SLC26A1: variants seen among roughly 807,000 people sequenced by gnomAD.
SLC26A1 encodes sulfate anion transporter 1.
SLC26A1 carries 18 observed loss-of-function variants against 14.5 expected under a neutral mutation model. The observed-to-expected ratio is 1.24, with a 90% confidence interval of 0.86 to 1.84. The LOEUF is 1.84. Among genes scored for constraint, SLC26A1 ranks in the 40% most tolerant of loss-of-function variants. The pLI is 0.00. For synonymous variants in SLC26A1, 505 were observed against 492.0 expected (o/e 1.03, Z -0.35); for missense variants, 1,049 against 1,020.0 (o/e 1.03, Z -0.39).
intron 2 of SLC26A1, among the ~76,000 whole-genome samples, chr4:981,755 C>T (rs939088727): frequency 6.6e-5 from 10 of 152,234 alleles, no homozygotes; most frequent in African/African-American, 1.9e-4. Flanking sequence ...TCCTGACAGC[C>T]GTAAGCTGCC....
chr4:990,596 T>C (rs997967150), intron 2 of SLC26A1: 124 of 579,092 alleles, frequency 2.1e-4, no homozygotes, highest in Non-Finnish European at 3.4e-4. Context: ...TGCACACAGC[T>C]GGCCATAGAC....
intron 2 of SLC26A1, 129 bp downstream of exon 2, chr4:990,999 G>A (rs1714253319): frequency 5.1e-6 from 5 of 975,242 alleles, no homozygotes; most frequent in Non-Finnish European, 7.3e-6. Flanking sequence ...CTCTGCCCAA[G>A]CCTTGCTGTC....
chr4:982,557 C>T (rs1486263111), intron 2 of SLC26A1, among the ~76,000 whole-genome samples: 2 of 152,242 alleles, frequency 1.3e-5, no homozygotes, highest in Admixed American at 6.5e-5. Flanking sequence ...AAAGGCGGAC[C>T]TGGAAGCAAT....
chr4:980,138 C>G (rs1399413281), intron 2 of SLC26A1, among the ~76,000 whole-genome samples: 3 of 152,162 alleles, frequency 2.0e-5, no homozygotes, highest in East Asian at 3.9e-4. Flanking sequence ...TTCCCTGGGC[C>G]CTGGGCTCGG....
At position 988,836 on chromosome 4, in the gene SLC26A1, C is replaced by T. The variant is rs1447073516; in HGVS notation, c.2103G>A (p.Leu701=). ...HRELEATDAH[L] is the part of the protein sequence containing the mutation. ...CTGCTGGGCAGGCCTGGCCCTGCTA[C>T]AGATGGGCATCGGTGGCCTCCAGCT... Residue 701 remains leucine (L), a synonymous_variant, in exon 3 of 3, where the codon CTG becomes CTA. Coordinates refer to ENST00000398516, the MANE Select transcript of SLC26A1 (RefSeq NM_022042.4). The T allele has an allele frequency of 1.9e-6, 3 of 1,591,410 alleles. No homozygotes were observed. Among genetic ancestry groups the T allele is most frequent in the South Asian group, 2.3e-5 (2 of 87,836 alleles).
At chr4:992,356 G>A in intron 1 of SLC26A1, 1 of 370,558 alleles carries the variant, frequency 2.7e-6, no homozygotes, top group South Asian at 2.0e-5. Context: ...TGTGGGTCCT[G>A]GGGCTGGCGG....
In SLC26A1 at chr4:989,208, GC is replaced by G. The variant is rs756900523; in HGVS notation, c.1730del (p.Gly577AlafsTer46). The part of the protein sequence containing the change: ...GCMAARRKEG[G>X]SETGVGEGGP... ...CTCCCTCACCGACCCCCGTCTCTGA[GC>G]CCCCCTCCTTCCTCCTGGCAGCCAT... On this transcript the variant is annotated frameshift_variant, in exon 3 of 3. Transcript: ENST00000398516. LOFTEE classifies it low-confidence loss of function (END_TRUNC). The G allele has an allele frequency of 1.2e-6, 2 of 1,609,464 alleles. No homozygotes were observed. The highest frequency in any genetic ancestry group is 2.2e-5 in the East Asian group (1 of 44,774).
chr4:986,248 A>G (rs1364698643), downstream of SLC26A1, among the ~76,000 whole-genome samples: 1 of 152,066 alleles, frequency 6.6e-6, no homozygotes, highest in Non-Finnish European at 1.5e-5. Flanking sequence ...ATTTTTATAC[A>G]ATGTTTGCTT....
In SLC26A1 at chr4:991,110, C is replaced by A. The variant is rs758772049; in HGVS notation, c.576+18G>T. The A allele has an allele frequency of 5.9e-6, 9 of 1,521,410 alleles. No homozygotes were observed. Among genetic ancestry groups the A allele is most frequent in the Non-Finnish European group, 7.1e-6 (8 of 1,134,708 alleles). 94.2% of individuals were successfully genotyped at this position (1,521,410 alleles called of 1,614,324 possible). A position where few individuals can be genotyped will look rare whatever the true frequency, so the allele number is the denominator to read the frequency against. ...GGGTGCCCTGGGCCCCTCCCTGTGC[C>A]CAAGCAGGGCTCCTCACCTGGTAAA... On this transcript the variant is annotated intron_variant, in intron 2 of 2. Coordinates refer to ENST00000398516, the MANE Select transcript of SLC26A1 (RefSeq NM_022042.4).
downstream of SLC26A1, chr4:986,904 G>C (rs1197662665): frequency 4.4e-6 from 3 of 677,846 alleles, no homozygotes; most frequent in Middle Eastern, 2.5e-4. Context: ...TCCAAGCCCT[G>C]CCGTGCTCCC....
chr4:990,731 AG>A, intron 2 of SLC26A1: 1 of 397,076 alleles, frequency 2.5e-6, no homozygotes, highest in Non-Finnish European at 4.6e-6. Context: ...GCAGATGTGG[AG>A]CCAACGGGGG....
In SLC26A1 at chr4:989,422, T is replaced by C; in HGVS notation, c.1517A>G (p.Gln506Arg). 6.4e-7 allele frequency: 1 copy of C among 1,556,444 alleles called. No individual in the cohort carries two copies. The highest frequency in any genetic ancestry group is 8.7e-7 in the Non-Finnish European group (1 of 1,150,476). The change falls in exon 3 of 3, where the codon CAA becomes CGA. Residue 506 changes from glutamine (Q) to arginine (R), a missense_variant. Physicochemically the swap from Gln to Arg is conservative, Grantham distance 43. Transcript: ENST00000398516. Reference protein sequence around the residue: ...LSLLSLAGRTQRPRTALLARI... With the variant: ...LSLLSLAGRTRRPRTALLARI... ...GGCCAGCAGGGCGGTGCGTGGGCGT[T>C]GGGTGCGGCCGGCCAGGCTGAGCAG...
intron 1 of SLC26A1, among the ~76,000 whole-genome samples, chr4:992,421 C>T (rs1210301986): frequency 2.6e-5 from 4 of 152,208 alleles, no homozygotes; most frequent in Non-Finnish European, 5.9e-5. Context: ...GTACTGGGAC[C>T]CCAAGTCTGC....
In SLC26A1 at chr4:989,333, C is replaced by A. The variant is rs138353078; in HGVS notation, c.1606G>T (p.Gly536Cys). The A allele has an allele frequency of 6.2e-7, 1 of 1,607,346 alleles. No homozygotes were observed. Among genetic ancestry groups the A allele is most frequent in the South Asian group, 1.1e-5 (1 of 90,076 alleles). ...TEFEGLVPEPGVRVFRFGGPL... is the reference protein window; with the variant it reads ...TEFEGLVPEPCVRVFRFGGPL... ...CCCCCAAAGCGGAACACCCGCACGC[C>A]GGGCTCAGGGACGAGGCCCTCGAAC... The change falls in exon 3 of 3, where the codon GGC (glycine) becomes TGC (cysteine). Residue 536 changes from glycine to cysteine, a missense_variant. Physicochemically the swap from Gly to Cys is radical, Grantham distance 159 (BLOSUM62 -3). Coordinates refer to ENST00000398516, the MANE Select transcript of SLC26A1 (RefSeq NM_022042.4).
At chr4:986,991 G>A, downstream of SLC26A1, 1 of 1,219,014 alleles carries the variant, frequency 8.2e-7, no homozygotes, top group Non-Finnish European at 1.1e-6. Flanking sequence ...CCGCCCCGCG[G>A]CGGCGGTCAC....
intron 1 of SLC26A1, chr4:991,980 G>A: frequency 1.4e-6 from 1 of 725,788 alleles, no homozygotes; most frequent in South Asian, 1.5e-5. Context: ...GCCATGGGGT[G>A]TGCTGAGGCC....
chr4:983,678 ACAATC>A (rs919545140), downstream of SLC26A1, among the ~76,000 whole-genome samples: 6 of 152,232 alleles, frequency 3.9e-5, no homozygotes, highest in African/African-American at 1.4e-4. Context: ...ACATAAAACT[ACAATC>A]CAAGAAATCT....
In SLC26A1 at chr4:989,710, C is replaced by G; in HGVS notation, c.1229G>C (p.Cys410Ser). 6.4e-7 allele frequency: 1 copy of G among 1,558,946 alleles called. No individual in the cohort carries two copies. Reference sequence around the variant, plus strand: ...GACCACGCTGGACAGCTGTGTCCGGCAGCCAGTGGCTGTCTTCACCAGGCT... The same window carrying G: ...GACCACGCTGGACAGCTGTGTCCGGGAGCCAGTGGCTGTCTTCACCAGGCT... ...AKSLVKTATG[C>S]RTQLSSVVSA... The change falls in exon 3 of 3, where the codon TGC (cysteine) becomes TCC (serine). Residue 410 changes from cysteine (C) to serine (S), a missense_variant. Transcript: ENST00000398516.
In SLC26A1 at chr4:991,513, C is replaced by A; in HGVS notation, c.191G>T (p.Arg64Leu). 6.2e-7 allele frequency: 1 copy of A among 1,608,216 alleles called. No individual in the cohort carries two copies. Among genetic ancestry groups the A allele is most frequent in the Non-Finnish European group, 8.5e-7 (1 of 1,176,828 alleles). Residue 64 changes from arginine (R) to leucine (L), a missense_variant, in exon 2 of 3, where the codon CGC (arginine) becomes CTC (leucine). Physicochemically the swap from Arg to Leu is moderately radical, Grantham distance 102. Transcript: ENST00000398516. ...LPATRWLRQY[R>L]PREYLAGDVM... is the part of the protein sequence containing the mutation. Reference sequence around the variant, plus strand: ...GTCGCCTGCCAGGTACTCCCGCGGGCGGTACTGACGCAGCCAGCGCGTGGC... The same window carrying A: ...GTCGCCTGCCAGGTACTCCCGCGGGAGGTACTGACGCAGCCAGCGCGTGGC...
Sources: gnomAD v4.1 joint callset for allele counts (sites outside exome capture counted in the v4.1 genomes callset) on GRCh38, gnomAD v4.1.1 for gene constraint, MANE v1.5 for transcripts, NCBI Gene and HGNC (gene_info 2026-07-23, HGNC 2026-07-21) for gene names.